Variants in LINGO2 observed in about 807,000 individuals in gnomAD.
LINGO2 encodes leucine-rich repeat and immunoglobulin-like domain-containing nogo receptor-interacting protein 2.
A neutral mutation model predicts 30.6 loss-of-function variants in LINGO2; 14 were observed. The ratio of observed to expected loss-of-function variants is 0.46; its 90% CI spans 0.30 to 0.72. The LOEUF (loss-of-function observed/expected upper bound fraction) is 0.72, where lower values mean the gene tolerates loss of function less well. LINGO2 is among the 30% of genes least tolerant of loss of function. The pLI, the probability that LINGO2 is intolerant of heterozygous loss-of-function variation, is 0.07. For synonymous variants in LINGO2, 317 were observed against 288.5 expected, an observed-to-expected ratio of 1.10 and a Z score of -1.00; for missense variants, 729 against 751.7, an observed-to-expected ratio of 0.97 and a Z score of 0.35.
intron 4 of LINGO2, among the ~76,000 whole-genome samples, chr9:28,291,520 G>C (rs1241237319): frequency 6.6e-6 from 1 of 152,152 alleles, no homozygotes; most frequent in African/African-American, 2.4e-5. Context: ...TAGCTGCCAA[G>C]AGTTTTTTTA....
chr9:28,968,699 A>G, the LINGO2 span, among the ~76,000 whole-genome samples: 1 of 152,162 alleles, frequency 6.6e-6, no homozygotes, highest in Non-Finnish European at 1.5e-5. Flanking sequence ...TTTAGGTATT[A>G]AACTTCATAT....
At chr9:29,003,033 G>A in the LINGO2 span, among the ~76,000 whole-genome samples, 1 of 151,964 alleles carries the variant, frequency 6.6e-6, no homozygotes, top group East Asian at 1.9e-4. Context: ...AGACAAAGAC[G>A]ATGAACACTA....
intron 4 of LINGO2, among the ~76,000 whole-genome samples, chr9:28,100,623 T>A (rs565803702): frequency 6.6e-6 from 1 of 152,272 alleles, no homozygotes; most frequent in Non-Finnish European, 1.5e-5. Flanking sequence ...CTATCCAGGC[T>A]TGTTTGTGGC....
intron 4 of LINGO2, among the ~76,000 whole-genome samples, chr9:28,259,081 T>C (rs1336896937): frequency 6.6e-6 from 1 of 152,006 alleles, no homozygotes; most frequent in Non-Finnish European, 1.5e-5. Flanking sequence ...GTGTGATGCA[T>C]AGCAGACCCT....
rs1825342927 is a variant in LINGO2 at position 28,329,468 on chromosome 9, T to C, written c.-245-34102A>G. Among the ~76,000 whole-genome samples the C allele has an allele frequency of 1.3e-5, 2 of 152,166 alleles. No individual in the cohort carries two copies. The highest frequency in any genetic ancestry group is 2.4e-5 in the African/African-American group (1 of 41,436). On this transcript the variant is annotated intron_variant, in intron 3 of 5. Coordinates refer to ENST00000379992, the Ensembl canonical transcript of LINGO2. The surrounding 1 kb of genome is among the most constrained non-coding windows in gnomAD (Gnocchi z 4.5). ...TCGGCCAAGTCATTATTTCTTGTCA[T>C]GTATATACAAGTTTTGCTCCTGTTC...
chr9:28,727,235 GCGTTA>G, the LINGO2 span, among the ~76,000 whole-genome samples: 1 of 151,982 alleles, frequency 6.6e-6, no homozygotes, highest in Admixed American at 6.6e-5. Flanking sequence ...GCTGGGAATA[GCGTTA>G]AAGTACCTGT....
At chr9:28,835,038 G>T in the LINGO2 span, among the ~76,000 whole-genome samples, 1 of 152,308 alleles carries the variant, frequency 6.6e-6, no homozygotes, top group South Asian at 2.1e-4. Context: ...TTGCAGTAAA[G>T]GTTAAGAAAG....
At chr9:28,025,910 A>T (rs932346072) in intron 4 of LINGO2, among the ~76,000 whole-genome samples, 1 of 151,696 alleles carries the variant, frequency 6.6e-6, no homozygotes, top group African/African-American at 2.4e-5. Flanking sequence ...TAAAAATGCA[A>T]ATCTCATCAA....
intron 3 of LINGO2, among the ~76,000 whole-genome samples, chr9:28,356,745 C>G (rs967946868): frequency 6.6e-6 from 1 of 152,112 alleles, no homozygotes; most frequent in African/African-American, 2.4e-5. Context: ...GGTCACTTCT[C>G]CACTGTCAGA....
exon 6 of LINGO2, chr9:27,948,613 C>T (rs929377351): frequency 2.0e-5 from 9 of 445,466 alleles, no homozygotes; most frequent in Admixed American, 3.9e-5. Flanking sequence ...ATCCCCAGAA[C>T]GCCAATATTT....
chr9:28,234,902 C>A (rs1244160484), intron 4 of LINGO2, among the ~76,000 whole-genome samples: 1 of 151,150 alleles, frequency 6.6e-6, no homozygotes, highest in African/African-American at 2.5e-5. Flanking sequence ...CTCTAGAAAA[C>A]CCTGACTAGT....
intron 1 of LINGO2, among the ~76,000 whole-genome samples, chr9:28,616,120 A>G (rs902396789): frequency 1.3e-5 from 2 of 152,134 alleles, no homozygotes; most frequent in African/African-American, 2.4e-5. Flanking sequence ...CAAGCTGTAC[A>G]TTAATGATTT....
the LINGO2 span, among the ~76,000 whole-genome samples, chr9:28,931,258 T>A: frequency 6.6e-6 from 1 of 152,186 alleles, no homozygotes; most frequent in South Asian, 2.1e-4. Context: ...CTAAACAGCA[T>A]TTATCGGAGT....
chr9:28,678,443 C>T, the LINGO2 span, among the ~76,000 whole-genome samples: 1 of 152,220 alleles, frequency 6.6e-6, no homozygotes, highest in Non-Finnish European at 1.5e-5. Flanking sequence ...TTCTGTTTGG[C>T]TTCCTGAAGT....
chr9:28,992,681 A>C, the LINGO2 span, among the ~76,000 whole-genome samples: 1 of 152,204 alleles, frequency 6.6e-6, no homozygotes, highest in Admixed American at 6.5e-5. Context: ...ACCACAGTGC[A>C]ATCAAACTAG....
chr9:28,314,717 G>T (rs1401009003), intron 3 of LINGO2, among the ~76,000 whole-genome samples: 1 of 152,104 alleles, frequency 6.6e-6, no homozygotes, highest in Non-Finnish European at 1.5e-5. Flanking sequence ...GGGCGCGGTG[G>T]CTCACGCCTG....
chr9:28,292,108 C>A (rs772740237), intron 4 of LINGO2, among the ~76,000 whole-genome samples: 3 of 152,214 alleles, frequency 2.0e-5, no homozygotes, highest in Non-Finnish European at 4.4e-5. Context: ...AGTGAGTTAT[C>A]TGCATCATTT....
intron 1 of LINGO2, among the ~76,000 whole-genome samples, chr9:28,585,904 C>T (rs1002727257): frequency 1.3e-5 from 2 of 152,002 alleles, no homozygotes; most frequent in Non-Finnish European, 2.9e-5. Context: ...GGCTCTCCCA[C>T]TAGTCGAGTT....
chr9:28,378,695 CT>C (rs997033703), intron 2 of LINGO2, among the ~76,000 whole-genome samples: 1 of 152,164 alleles, frequency 6.6e-6, no homozygotes, highest in Admixed American at 6.6e-5. Context: ...AACCTGGAAA[CT>C]TCAGAAAGGC....
Sources: allele counts gnomAD v4.1 joint callset (sites outside exome capture counted in the v4.1 genomes callset), GRCh38; gene constraint gnomAD v4.1.1; non-coding constraint Gnocchi (gnomAD v3.1); transcripts MANE v1.5; gene names NCBI Gene and HGNC (gene_info 2026-07-23, HGNC 2026-07-21).